AHNAK2: variants seen among roughly 807,000 people sequenced by gnomAD.
The protein encoded by AHNAK2 is AHNAK nucleoprotein 2.
In AHNAK2, 18 loss-of-function variants were observed where a neutral mutation model predicts 30.7. That is an observed-to-expected ratio of 0.59 (90% CI 0.41 to 0.87). The LOEUF is 0.87. AHNAK2 is among the 40% of genes least tolerant of loss of function. The pLI is 0.00. For missense variants in AHNAK2, 8,604 were observed against 7,373.0 expected (o/e 1.17, Z -6.11); for synonymous variants, 3,590 against 3,073.8 (o/e 1.17, Z -5.56).
rs753788460 is a variant in AHNAK2 at position 104,954,123 on chromosome 14, G to C, written c.1328C>G (p.Thr443Ser). The change falls in exon 7 of 7, where the codon ACT becomes AGT. Residue 443 changes from threonine (T) to serine (S), a missense_variant. Thr to Ser is a moderately conservative substitution (Grantham distance 58). Transcript: ENST00000333244. This position sits in a 1 kb window ranked among gnomAD's most constrained non-coding sequence, Gnocchi z 4.3. ...TTCACCCTCCCGGCTCATTCCAGGA[G>C]TTGGCTGGGCCCTGGGCTTCCTCTG... ...VAQRKPRAQP[T>S]PGMSREGEGE... 2 of 1,611,924 alleles carry C rather than the reference G, an allele frequency of 1.2e-6. No homozygotes were observed. Among genetic ancestry groups the C allele is most frequent in the Non-Finnish European group, 1.7e-6 (2 of 1,179,868 alleles).
rs1555403322 is a variant in AHNAK2, at chr14:104,963,850, A to AAG, written c.56-6180_56-6179dup. 2.6e-5 allele frequency among the ~76,000 whole-genome samples: 4 copies of AAG among 151,572 alleles called. No homozygotes were observed. In the South Asian group the frequency reaches 6.2e-4, roughly 24 times the overall value. ...GTCTAAAAAAAAAAAAGAAAAAAAA[A>AAG]AGAGAGAGAGAGAAAAGAATTAAGA... On this transcript the variant is annotated intron_variant, in intron 1 of 6. Coordinates refer to ENST00000333244, the MANE Select transcript of AHNAK2 (RefSeq NM_138420.4).
chr14:104,958,241 G>A (rs1430646273), intron 1 of AHNAK2, among the ~76,000 whole-genome samples: 4 of 152,144 alleles, frequency 2.6e-5, no homozygotes, highest in African/African-American at 9.7e-5. Flanking sequence ...CTGAGGTTGG[G>A]AGTTCGAGAC....
chr14:104,944,618 C>T lies in AHNAK2; in HGVS notation c.10833G>A (p.Pro3611=), dbSNP rs773775422. The T allele has an allele frequency of 1.1e-5, 17 of 1,611,290 alleles. 1 individual carries two copies. The African/African-American group carries it at 1.1e-4, about 10-fold the overall frequency. ...LPSVEVDVQA[P]KAKLDAGRLE... ...GCCGCCCAGCATCCAGCTTGGCCTT[C>T]GGGGCCTGGACATCCACCTCCACGC... is the stretch of plus-strand genomic sequence containing the variant. Residue 3611 remains proline (P), a synonymous_variant, in exon 7 of 7, where the codon CCG becomes CCA. Coordinates refer to ENST00000333244, the MANE Select transcript of AHNAK2 (RefSeq NM_138420.4).
At position 104,953,620 on chromosome 14, in the gene AHNAK2, G is replaced by C. The variant is rs563078243; in HGVS notation, c.1831C>G (p.Gln611Glu). The change falls in exon 7 of 7, where the codon CAG becomes GAG. Residue 611 changes from glutamine (Q) to glutamate (E), a missense_variant. Transcript: ENST00000333244. ...GREKATEDTE[Q>E]GREGEATATA... ...GCTGTGGCCTCTCCTTCCCTTCCCT[G>C]CTCTGTGTCTTCTGTGGCTTTTTCT... is the stretch of plus-strand genomic sequence containing the variant. 7 of 1,613,826 alleles carry C rather than the reference G, an allele frequency of 4.3e-6. No homozygotes were observed. The East Asian group carries it at 1.3e-4, about 31-fold the overall frequency.
In AHNAK2 at chr14:104,951,425, G is replaced by T. The variant is rs1261560889; in HGVS notation, c.4026C>A (p.Ala1342=). The T allele has an allele frequency of 8.1e-7, 1 of 1,232,014 alleles. No individual in the cohort carries two copies. The highest frequency in any genetic ancestry group is 1.4e-5 in the African/African-American group (1 of 69,916). 76.3% of individuals were successfully genotyped at this position (1,232,014 alleles called of 1,614,324 possible). ...KFKMPSFGVS[A]PGKSIEASVD... Reference sequence around the variant, plus strand: ...CGGAGGCCTCAATGGACTTGCCTGGGGCAGACACCCCGAACGACGGCATCT... The same window carrying T: ...CGGAGGCCTCAATGGACTTGCCTGGTGCAGACACCCCGAACGACGGCATCT... Residue 1342 remains alanine, a synonymous_variant, in exon 7 of 7, where the codon GCC becomes GCA. Coordinates refer to ENST00000333244, the MANE Select transcript of AHNAK2 (RefSeq NM_138420.4).
In AHNAK2 at chr14:104,950,843, G is replaced by C. The variant is rs201828332; in HGVS notation, c.4608C>G (p.Leu1536=). The change falls in exon 7 of 7, where the codon CTC becomes CTG. Residue 1536 remains leucine (L), a synonymous_variant. Transcript: ENST00000333244. The stretch of plus-strand genomic sequence containing the variant: ...GCTGTATGCTCAGGTCAGTGGCCTT[G>C]AGGTCCCCCTGCATGGAGGGGAGGC... ...DVSLPSMQGD[L]KATDLSIQPP... 269 of 1,583,658 alleles carry C rather than the reference G, an allele frequency of 1.7e-4. 16 individuals carry two copies. The African/African-American group carries it at 1.8e-3, about 11-fold the overall frequency.
rs1344780121 is a variant in AHNAK2, at chr14:104,944,284, T to C, written c.11167A>G (p.Lys3723Glu). Reference sequence around the variant, plus strand: ...ATCTTCAAACTGGGCATCTCCACCTTGGGCAGGTGCTCTTTGAGGCCGGCT... The same window carrying C: ...ATCTTCAAACTGGGCATCTCCACCTCGGGCAGGTGCTCTTTGAGGCCGGCT... ...EGAGLKEHLP[K>E]VEMPSLKMPK... The change falls in exon 7 of 7, where the codon AAG (lysine) becomes GAG (glutamate). Residue 3723 changes from lysine (K) to glutamate (E), a missense_variant. By Grantham distance (56) the Lys-to-Glu change is moderately conservative. Coordinates refer to ENST00000333244, the MANE Select transcript of AHNAK2 (RefSeq NM_138420.4). 6.2e-7 allele frequency: 1 copy of C among 1,612,758 alleles called. No individual in the cohort carries two copies.
chr14:104,942,236 G>T lies in AHNAK2; in HGVS notation c.13215C>A (p.Val4405=). Residue 4405 remains valine, a synonymous_variant, in exon 7 of 7, where the codon GTC becomes GTA. Coordinates refer to ENST00000333244, the MANE Select transcript of AHNAK2 (RefSeq NM_138420.4). ...TGGGGCCTTTCAGGTCCAGCTTGGGGACATTAACGTCTATCTGGGGACCCT... is the reference window on the plus strand; with the variant it reads ...TGGGGCCTTTCAGGTCCAGCTTGGGTACATTAACGTCTATCTGGGGACCCT... ...DLKGPQIDVN[V]PKLDLKGPKV... 1 of 1,613,014 alleles carries T rather than the reference G, an allele frequency of 6.2e-7. No homozygotes were observed. The highest frequency in any genetic ancestry group is 8.5e-7 in the Non-Finnish European group (1 of 1,179,746).
At chr14:104,972,503 C>G (rs1899494265) in intron 1 of AHNAK2, among the ~76,000 whole-genome samples, 1 of 152,218 alleles carries the variant, frequency 6.6e-6, no homozygotes, top group African/African-American at 2.4e-5. Context: ...CTGACCCCCG[C>G]AAGAGCCTTT....
chr14:104,942,839 G>C lies in AHNAK2; in HGVS notation c.12612C>G (p.Gly4204=), dbSNP rs1215367990. The C allele has an allele frequency of 8.7e-6, 14 of 1,612,934 alleles. No homozygotes were observed. Among genetic ancestry groups the C allele is most frequent in the Non-Finnish European group, 1.2e-5 (14 of 1,179,586 alleles). The part of the protein sequence containing the change: ...AGQVDVKLPE[G]PLPKGAGLKG... ...TGAGGCCGGCTCCCTTGGGCAGGGG[G>C]CCCTCCGGGAGTTTCACGTCCACTT... is the stretch of plus-strand genomic sequence containing the variant. The change falls in exon 7 of 7, where the codon GGC becomes GGG. Residue 4204 remains glycine, a synonymous_variant. Coordinates refer to ENST00000333244, the MANE Select transcript of AHNAK2 (RefSeq NM_138420.4).
In AHNAK2 at chr14:104,948,183, A is replaced by T. The variant is rs772868153; in HGVS notation, c.7268T>A (p.Val2423Asp). ...KVDLKGPQID[V>D]KGPKLDLKGP... The stretch of plus-strand genomic sequence containing the variant: ...TTTCAGGTCCAGCTTGGGGCCCTTG[A>T]CATCTATCTGGGGGCCCTTGAGATC... The change falls in exon 7 of 7, where the codon GTC becomes GAC. Residue 2423 changes from valine (V) to aspartate (D), a missense_variant. Physicochemically the swap from Val to Asp is radical, Grantham distance 152. Coordinates refer to ENST00000333244, the MANE Select transcript of AHNAK2 (RefSeq NM_138420.4). 2 of 1,612,312 alleles carry T rather than the reference A, an allele frequency of 1.2e-6. No individual in the cohort carries two copies. Among genetic ancestry groups the T allele is most frequent in the Non-Finnish European group, 1.7e-6 (2 of 1,179,486 alleles).
At chr14:104,967,929 G>A (rs1595432582) in intron 1 of AHNAK2, among the ~76,000 whole-genome samples, 1 of 152,224 alleles carries the variant, frequency 6.6e-6, no homozygotes, top group Non-Finnish European at 1.5e-5. Flanking sequence ...GCCGCAGAGC[G>A]CAGGGGAGGC....
Position 104,973,100 on chromosome 14 carries a change from G to A in AHNAK2, c.55+5083C>T, listed in dbSNP as rs118102424. 7.1e-4 allele frequency among the ~76,000 whole-genome samples: 108 copies of A among 152,350 alleles called. 1 individual carries two copies. The East Asian group carries it at 0.018, about 25-fold the overall frequency. On this transcript the variant is annotated intron_variant, in intron 1 of 6. Transcript: ENST00000333244. ...CCACCTACCGGACCCCTGGCACCAC[G>A]TGGTGGGACTCAGTGGTCAGGCAGG... is the stretch of plus-strand genomic sequence containing the variant.
At position 104,944,932 on chromosome 14, in the gene AHNAK2, C is replaced by T. The variant is rs201119822; in HGVS notation, c.10519G>A (p.Val3507Met). 156 of 1,613,214 alleles carry T rather than the reference C, an allele frequency of 9.7e-5. 1 individual carries two copies. In the African/African-American group the frequency reaches 1.4e-3, roughly 14 times the overall value. Residue 3507 changes from valine to methionine, a missense_variant, in exon 7 of 7, where the codon GTG (valine) becomes ATG (methionine). Physicochemically the swap from Val to Met is conservative, Grantham distance 21. Transcript: ENST00000333244. ...TCCCCCTGCATGGAGGAGAGGCTCA[C>T]GTCGGCCTCCACCTTCGGCGCAGAC... ...DVSAPKVEADVSLSSMQGDLK... is the reference protein window; with the variant it reads ...DVSAPKVEADMSLSSMQGDLK...
In AHNAK2 at chr14:104,947,747, C is replaced by T. The variant is rs760835188; in HGVS notation, c.7704G>A (p.Lys2568=). Residue 2568 remains lysine, a synonymous_variant, in exon 7 of 7, where the codon AAG becomes AAA. Coordinates refer to ENST00000333244, the MANE Select transcript of AHNAK2 (RefSeq NM_138420.4). ...GCATCTTGAAACTGGGCATCTGCACCTTGGGCAGGTGCCCTTTGAGGCCGG... is the reference window on the plus strand; with the variant it reads ...GCATCTTGAAACTGGGCATCTGCACTTTGGGCAGGTGCCCTTTGAGGCCGG... ...EGAGLKGHLP[K]VQMPSFKMPE... The T allele has an allele frequency of 5.6e-6, 9 of 1,612,608 alleles. No individual in the cohort carries two copies. The highest frequency in any genetic ancestry group is 1.6e-4 in the Middle Eastern group (1 of 6,068).
At chr14:104,968,831 G>C (rs924325932) in intron 1 of AHNAK2, among the ~76,000 whole-genome samples, 1 of 152,214 alleles carries the variant, frequency 6.6e-6, no homozygotes, top group Non-Finnish European at 1.5e-5. Context: ...TAGGGCGTGT[G>C]TGCACTTGTG....
rs537024957 is a variant in AHNAK2, at chr14:104,955,034, G to A, written c.574C>T (p.Arg192Trp). 2.7e-5 allele frequency: 44 copies of A among 1,613,728 alleles called. No individual in the cohort carries two copies. Among genetic ancestry groups the A allele is most frequent in the African/African-American group, 1.2e-4 (9 of 75,070 alleles). Reference protein sequence around the residue: ...EPYKVQFKIRRQLPAPQDEEW... With the variant: ...EPYKVQFKIRWQLPAPQDEEW... ...TCATCCTGTGGGGCAGGGAGCTGCCGTCTGATTTTGAACTGAACCTTGTAC... is the reference window on the plus strand; with the variant it reads ...TCATCCTGTGGGGCAGGGAGCTGCCATCTGATTTTGAACTGAACCTTGTAC... Residue 192 changes from arginine to tryptophan, a missense_variant, in exon 6 of 7, where the codon CGG becomes TGG. Physicochemically the swap from Arg to Trp is moderately radical, Grantham distance 101. Transcript: ENST00000333244.
chr14:104,948,471 G>C lies in AHNAK2; in HGVS notation c.6980C>G (p.Ser2327Trp). The change falls in exon 7 of 7, where the codon TCG becomes TGG. Residue 2327 changes from serine (S) to tryptophan (W), a missense_variant. Coordinates refer to ENST00000333244, the MANE Select transcript of AHNAK2 (RefSeq NM_138420.4). Reference protein sequence around the residue: ...KFKMPKFKMLSFGVSALGKSI... With the variant: ...KFKMPKFKMLWFGVSALGKSI... ...CTTGCCAAGGGCAGACACCCCAAAC[G>C]ACAGCATCTTGAACTTGGGCATTTT... The C allele has an allele frequency of 6.2e-7, 1 of 1,610,714 alleles. No individual in the cohort carries two copies. Among genetic ancestry groups the C allele is most frequent in the South Asian group, 1.1e-5 (1 of 91,032 alleles).
In AHNAK2 at chr14:104,953,214, C is replaced by T. The variant is rs201524595; in HGVS notation, c.2237G>A (p.Gly746Asp). 2 of 1,612,956 alleles carry T rather than the reference C, an allele frequency of 1.2e-6. No individual in the cohort carries two copies. Among genetic ancestry groups the T allele is most frequent in the Admixed American group, 1.7e-5 (1 of 59,980 alleles). The change falls in exon 7 of 7, where the codon GGC becomes GAC. Residue 746 changes from glycine (G) to aspartate (D), a missense_variant. Transcript: ENST00000333244. ...GAGGCTGGCTCCCTCGGGCAGGGGG[C>T]CCTCCGGAAGTTTCACATCCACTTG... The part of the protein sequence containing the change: ...DGQVDVKLPE[G>D]PLPEGASLKG...
Sources: allele counts gnomAD v4.1 joint callset (sites outside exome capture counted in the v4.1 genomes callset), GRCh38; gene constraint gnomAD v4.1.1; non-coding constraint Gnocchi (gnomAD v3.1); transcripts MANE v1.5; gene names NCBI Gene and HGNC (gene_info 2026-07-23, HGNC 2026-07-21).